Variants in KLHL1 observed in about 807,000 individuals in gnomAD.
KLHL1 encodes kelch like family member 1.
Under a neutral mutation model 77.7 loss-of-function variants are expected in KLHL1, and 47 were observed. That is an observed-to-expected ratio of 0.60 (90% CI 0.48 to 0.77). KLHL1 has a LOEUF of 0.77. Among genes scored for constraint, KLHL1 ranks in the 30% least tolerant of loss-of-function variants. The probability of loss-of-function intolerance (pLI) is 0.00; values close to 1 mark genes in which losing one functional copy is unlikely to be tolerated. For synonymous variants in KLHL1, 360 were observed against 325.2 expected (o/e 1.11, Z -1.15); for missense variants, 925 against 910.8 (o/e 1.02, Z -0.20).
chr13:70,019,361 T>C (rs1292869460), intron 1 of KLHL1, among the ~76,000 whole-genome samples: 1 of 54,440 alleles, frequency 1.8e-5, no homozygotes, highest in Non-Finnish European at 4.1e-5. Context: ...CTGAGTAAGC[T>C]ATAAAAGTTA....
At chr13:70,033,928 C>A (rs963812509) in intron 1 of KLHL1, among the ~76,000 whole-genome samples, 2 of 152,000 alleles carry the variant, frequency 1.3e-5, no homozygotes, top group Admixed American at 6.6e-5. Context: ...AATTATTGAT[C>A]GATGAAAATC....
intron 8 of KLHL1, among the ~76,000 whole-genome samples, chr13:69,737,237 C>T (rs1029867399): frequency 6.6e-6 from 1 of 152,230 alleles, no homozygotes; most frequent in Admixed American, 6.5e-5. Context: ...GTCACAAGCA[C>T]AAAGCTGTGC....
intron 4 of KLHL1, among the ~76,000 whole-genome samples, chr13:69,916,399 A>C (rs1593946540): frequency 6.6e-6 from 1 of 150,746 alleles, no homozygotes; most frequent in African/African-American, 2.5e-5. Context: ...ACCATGGAAT[A>C]CTATGCAGCC....
intron 8 of KLHL1, among the ~76,000 whole-genome samples, chr13:69,731,077 AAGT>A (rs1873524824): frequency 1.3e-5 from 2 of 151,902 alleles, no homozygotes; most frequent in Admixed American, 6.6e-5. Context: ...TAAATAGAAA[AAGT>A]AGTATTAATA....
intron 1 of KLHL1, among the ~76,000 whole-genome samples, chr13:70,082,388 G>A (rs997170824): frequency 6.8e-6 from 1 of 146,970 alleles, no homozygotes; most frequent in African/African-American, 2.5e-5. Flanking sequence ...ATAGTAGGTA[G>A]TTGCTCTAGG....
At chr13:70,078,744 A>C (rs951661932) in intron 1 of KLHL1, among the ~76,000 whole-genome samples, 14 of 152,314 alleles carry the variant, frequency 9.2e-5, no homozygotes, top group Middle Eastern at 6.8e-3. Context: ...TCCAGTGGCA[A>C]AAATGTGGTT....
chr13:69,953,486 A>T (rs2137258015), intron 3 of KLHL1, among the ~76,000 whole-genome samples: 1 of 151,276 alleles, frequency 6.6e-6, no homozygotes, highest in East Asian at 1.9e-4. Flanking sequence ...AAATTAGGCC[A>T]TGATTTTACA....
chr13:69,842,738 A>G (rs1879315670), intron 5 of KLHL1, among the ~76,000 whole-genome samples: 1 of 151,906 alleles, frequency 6.6e-6, no homozygotes, highest in Non-Finnish European at 1.5e-5. Context: ...TTGCATTCAC[A>G]TGTTTATTGC....
chr13:69,899,349 A>T (rs896311056), intron 4 of KLHL1, among the ~76,000 whole-genome samples: 5 of 152,130 alleles, frequency 3.3e-5, no homozygotes, highest in African/African-American at 1.2e-4. Flanking sequence ...TGCTGGGAAA[A>T]GAAAGAAGCT....
intron 1 of KLHL1, among the ~76,000 whole-genome samples, chr13:70,093,918 T>A (rs1217126093): frequency 2.0e-5 from 3 of 152,176 alleles, no homozygotes; most frequent in African/African-American, 7.2e-5. Context: ...CTTGTTTGAA[T>A]AATTAACCAA....
chr13:69,765,928 T>C (rs1363002607), intron 7 of KLHL1, among the ~76,000 whole-genome samples: 1 of 152,210 alleles, frequency 6.6e-6, no homozygotes, highest in Non-Finnish European at 1.5e-5. Context: ...CCTAAGTTAT[T>C]GCTATTTTGG....
intron 7 of KLHL1, among the ~76,000 whole-genome samples, chr13:69,760,335 A>C (rs1479572875): frequency 2.7e-5 from 4 of 149,634 alleles, no homozygotes; most frequent in African/African-American, 7.3e-5. Context: ...CTAAACCAAA[A>C]GGTTAGGATA....
intron 1 of KLHL1, among the ~76,000 whole-genome samples, chr13:70,037,607 T>G (rs1489427373): frequency 1.3e-5 from 2 of 152,122 alleles, no homozygotes; most frequent in Non-Finnish European, 2.9e-5. Flanking sequence ...TTTAGTTTCT[T>G]TTTTTCTTGT....
At chr13:69,816,174 G>A (rs1878114061) in intron 6 of KLHL1, among the ~76,000 whole-genome samples, 1 of 151,712 alleles carries the variant, frequency 6.6e-6, no homozygotes, top group African/African-American at 2.4e-5. Flanking sequence ...TAAATCAGCT[G>A]GTTGACATTA....
intron 1 of KLHL1, among the ~76,000 whole-genome samples, chr13:70,065,232 T>C (rs1651667082): frequency 6.6e-6 from 1 of 152,188 alleles, no homozygotes; most frequent in African/African-American, 2.4e-5. Context: ...AAAGGCCAAA[T>C]TAAATATTAT....
chr13:70,083,007 T>G (rs2137432049), intron 1 of KLHL1, among the ~76,000 whole-genome samples: 1 of 152,136 alleles, frequency 6.6e-6, no homozygotes, highest in South Asian at 2.1e-4. Context: ...TGAAAAACTA[T>G]TTTAAAATAT....
chr13:70,010,102 GAACAA>G, intron 1 of KLHL1, among the ~76,000 whole-genome samples: 1 of 150,110 alleles, frequency 6.7e-6, no homozygotes. Flanking sequence ...TAGAGTGGAA[GAACAA>G]AAGAGAGTGC....
At chr13:69,772,512 G>A (rs535086603) in intron 7 of KLHL1, among the ~76,000 whole-genome samples, 2 of 151,900 alleles carry the variant, frequency 1.3e-5, no homozygotes, top group Admixed American at 6.6e-5. Flanking sequence ...ACAAATTAAG[G>A]CTGTTTATTA....
chr13:69,795,430 T>C (rs978173024), intron 7 of KLHL1, among the ~76,000 whole-genome samples: 2 of 152,182 alleles, frequency 1.3e-5, no homozygotes, highest in African/African-American at 4.8e-5. Flanking sequence ...CTGTCTAACA[T>C]GTATGTTCTA....
Sources: gnomAD v4.1 joint callset for allele counts (sites outside exome capture counted in the v4.1 genomes callset) on GRCh38, gnomAD v4.1.1 for gene constraint, MANE v1.5 for transcripts, NCBI Gene and HGNC (gene_info 2026-07-23, HGNC 2026-07-21) for gene names.